The following TMEM117 variants were observed in gnomAD, a reference collection of about 807,000 sequenced individuals.
TMEM117 encodes the protein transmembrane protein 117.
Under a neutral mutation model 52.4 loss-of-function variants are expected in TMEM117, and 27 were observed. The ratio of observed to expected loss-of-function variants is 0.51; its 90% CI spans 0.38 to 0.71. The LOEUF (loss-of-function observed/expected upper bound fraction) is 0.71. Ranked by LOEUF, TMEM117 falls within the 30% of genes least tolerant of loss-of-function variation. TMEM117 has a pLI of 0.00. For synonymous variants in TMEM117, 215 were observed against 206.3 expected (o/e 1.04, Z -0.36); for missense variants, 556 against 630.5 (o/e 0.88, Z 1.26).
At chr12:44,309,483 G>A (rs1950945564) in intron 6 of TMEM117, among the ~76,000 whole-genome samples, 1 of 152,114 alleles carries the variant, frequency 6.6e-6, no homozygotes, top group Non-Finnish European at 1.5e-5. Context: ...ACAGTGAAAT[G>A]AGGAACAAGC....
At chr12:44,056,905 C>G (rs1947064450) in intron 3 of TMEM117, among the ~76,000 whole-genome samples, 1 of 152,096 alleles carries the variant, frequency 6.6e-6, no homozygotes, top group South Asian at 2.1e-4. Flanking sequence ...GCCTTTTATT[C>G]AGAACAGATG....
At chr12:43,903,990 T>A (rs571813948) in intron 2 of TMEM117, among the ~76,000 whole-genome samples, 109 of 152,338 alleles carry the variant, frequency 7.2e-4, no homozygotes, top group African/African-American at 2.5e-3. Context: ...ACTATCATAT[T>A]TAATGATCAT....
chr12:44,302,336 C>T (rs548542055), intron 6 of TMEM117, among the ~76,000 whole-genome samples: 1 of 152,304 alleles, frequency 6.6e-6, no homozygotes, highest in Non-Finnish European at 1.5e-5. Context: ...TCTGTATTCT[C>T]CCACGTCTTC....
At position 44,224,308 on chromosome 12, in the gene TMEM117, GA is replaced by G. The variant is rs1455324296; in HGVS notation, c.608+12922del. ...CTTTGTATCAATATTAGGCGTTAGAGATTTTATTTGTTAATCTGCCCAAGAA... is the reference window on the plus strand; with the variant it reads ...CTTTGTATCAATATTAGGCGTTAGAGTTTTATTTGTTAATCTGCCCAAGAA... On this transcript the variant is annotated intron_variant, in intron 5 of 7. Coordinates refer to ENST00000266534, the MANE Select transcript of TMEM117 (RefSeq NM_032256.3). 1.1e-4 allele frequency among the ~76,000 whole-genome samples: 16 copies of G among 152,174 alleles called. 1 individual carries two copies. The highest frequency in any genetic ancestry group is 3.1e-4 in the African/African-American group (13 of 41,532).
chr12:44,280,062 A>G (rs1034499074), intron 5 of TMEM117, among the ~76,000 whole-genome samples: 1 of 151,982 alleles, frequency 6.6e-6, no homozygotes, highest in Non-Finnish European at 1.5e-5. Context: ...TCAAGATTCT[A>G]TTTTTGTTTT....
At chr12:44,183,116 G>T (rs1241673226) in intron 4 of TMEM117, among the ~76,000 whole-genome samples, 1 of 152,044 alleles carries the variant, frequency 6.6e-6, no homozygotes, top group East Asian at 1.9e-4. Context: ...AGAAAAAATT[G>T]CCAATAATCC....
At chr12:43,950,206 A>G (rs528314326) in intron 3 of TMEM117, among the ~76,000 whole-genome samples, 34 of 152,350 alleles carry the variant, frequency 2.2e-4, no homozygotes, top group Non-Finnish European at 1.2e-4. Context: ...GTTTAGGCCA[A>G]TCTTGAGGAC....
chr12:43,882,236 G>T (rs1468034315), intron 2 of TMEM117, among the ~76,000 whole-genome samples: 1 of 152,036 alleles, frequency 6.6e-6, no homozygotes, highest in Non-Finnish European at 1.5e-5. Context: ...AAGGCGGGCG[G>T]ATCACCTGAG....
At chr12:43,812,279 G>A in the TMEM117 span, among the ~76,000 whole-genome samples, 10 of 152,168 alleles carry the variant, frequency 6.6e-5, no homozygotes, top group African/African-American at 2.2e-4. Flanking sequence ...GCCTAAAAGA[G>A]AAAACCCTCG....
intron 3 of TMEM117, among the ~76,000 whole-genome samples, chr12:44,020,276 A>G (rs1946436445): frequency 6.6e-6 from 1 of 152,110 alleles, no homozygotes; most frequent in Non-Finnish European, 1.5e-5. Context: ...TGTCTTTTTT[A>G]CTATATGGAG....
intron 2 of TMEM117, among the ~76,000 whole-genome samples, chr12:43,879,389 C>T (rs1217747732): frequency 1.3e-5 from 2 of 152,194 alleles, no homozygotes; most frequent in Non-Finnish European, 2.9e-5. Flanking sequence ...ATTGCATATG[C>T]AACTCCATTG....
upstream of TMEM117, among the ~76,000 whole-genome samples, chr12:43,831,769 C>G (rs919962913): frequency 6.6e-6 from 1 of 152,112 alleles, no homozygotes; most frequent in Admixed American, 6.5e-5. Context: ...GTCTTGAACT[C>G]CTGACCTTGT....
At chr12:44,290,778 T>A (rs1176412372) in intron 5 of TMEM117, among the ~76,000 whole-genome samples, 1 of 152,102 alleles carries the variant, frequency 6.6e-6, no homozygotes, top group Non-Finnish European at 1.5e-5. Flanking sequence ...GCTGGGGCTA[T>A]AAGCATGCAC....
At chr12:44,361,393 T>C (rs1951718738) in intron 6 of TMEM117, among the ~76,000 whole-genome samples, 1 of 152,132 alleles carries the variant, frequency 6.6e-6, no homozygotes, top group Non-Finnish European at 1.5e-5. Context: ...ATAGGGAACT[T>C]CTTTCAAGAC....
intron 6 of TMEM117, among the ~76,000 whole-genome samples, chr12:44,322,378 G>A (rs1212104903): frequency 6.6e-6 from 1 of 152,138 alleles, no homozygotes; most frequent in Non-Finnish European, 1.5e-5. Flanking sequence ...CAGAGATCTA[G>A]AGTGTTTATA....
At chr12:44,071,475 A>G (rs938462415) in intron 3 of TMEM117, among the ~76,000 whole-genome samples, 1 of 152,342 alleles carries the variant, frequency 6.6e-6, no homozygotes, top group Admixed American at 6.5e-5. Flanking sequence ...GAAGCTGCAA[A>G]TGTAAACTAC....
intron 2 of TMEM117, among the ~76,000 whole-genome samples, chr12:43,857,700 AT>A (rs1458164819): frequency 1.3e-5 from 2 of 152,218 alleles, no homozygotes; most frequent in African/African-American, 2.4e-5. Context: ...GAGTACTGTG[AT>A]TTGAGATGAT....
intron 3 of TMEM117, among the ~76,000 whole-genome samples, chr12:44,142,137 G>T (rs182693109): frequency 3.0e-4 from 46 of 152,242 alleles, no homozygotes; most frequent in African/African-American, 1.1e-3. Context: ...ATTTCATATT[G>T]TGAATTAGGA....
At chr12:43,954,255 G>A (rs1371349953) in intron 3 of TMEM117, among the ~76,000 whole-genome samples, 2 of 151,996 alleles carry the variant, frequency 1.3e-5, no homozygotes, top group African/African-American at 4.8e-5. Flanking sequence ...AGAGAACCAA[G>A]AGGAAACAAA....
Sources: allele counts gnomAD v4.1 joint callset (sites outside exome capture counted in the v4.1 genomes callset), GRCh38; gene constraint gnomAD v4.1.1; transcripts MANE v1.5; gene names NCBI Gene and HGNC (gene_info 2026-07-23, HGNC 2026-07-21).